KIF26B: variants seen among roughly 807,000 people sequenced by gnomAD.
KIF26B encodes the protein kinesin family member 26B.
A neutral mutation model predicts 151.2 loss-of-function variants in KIF26B; 63 were observed. The ratio of observed to expected loss-of-function variants is 0.42; its 90% CI spans 0.34 to 0.51. The LOEUF is 0.51. Among genes scored for constraint, KIF26B ranks in the 20% least tolerant of loss-of-function variants. The pLI is 0.07. For synonymous variants in KIF26B, 1,357 were observed against 1,262.1 expected, an observed-to-expected ratio of 1.08 and a Z score of -1.59; for missense variants, 2,813 against 2,913.6, an observed-to-expected ratio of 0.97 and a Z score of 0.79.
intron 10 of KIF26B, among the ~76,000 whole-genome samples, chr1:245,679,243 A>G (rs1377128055): frequency 2.6e-5 from 4 of 152,104 alleles, no homozygotes; most frequent in African/African-American, 9.7e-5. Flanking sequence ...TTATTTACAA[A>G]AGCAGGCAGT....
intron 2 of KIF26B, among the ~76,000 whole-genome samples, chr1:245,327,803 G>T (rs755500901): frequency 7.9e-5 from 12 of 152,134 alleles, no homozygotes; most frequent in Non-Finnish European, 1.8e-4. Flanking sequence ...ATTTTCTAAT[G>T]ACTTAAGACA....
chr1:245,661,349 A>G (rs1332394343), intron 10 of KIF26B, among the ~76,000 whole-genome samples: 1 of 151,526 alleles, frequency 6.6e-6, no homozygotes, highest in Non-Finnish European at 1.5e-5. Flanking sequence ...CGCCACAGTT[A>G]CTTGGAATTT....
At chr1:245,163,783 T>C (rs1048688792) in intron 2 of KIF26B, among the ~76,000 whole-genome samples, 3 of 152,222 alleles carry the variant, frequency 2.0e-5, no homozygotes, top group African/African-American at 4.8e-5. Context: ...GTCTTCACTT[T>C]CATTATCTCT....
In KIF26B at chr1:245,156,310, C is replaced by G; in HGVS notation, c.92C>G (p.Pro31Arg). 6.5e-7 allele frequency: 1 copy of G among 1,547,654 alleles called. No homozygotes were observed. Among genetic ancestry groups the G allele is most frequent in the South Asian group, 1.2e-5 (1 of 84,030 alleles). The stretch of plus-strand genomic sequence containing the variant: ...AATGAAGTCTGCTCGCCCACCAAGC[C>G]CGCAGCGCCCTTCTCCCCGGAAAGC... ...GVNEVCSPTKPAAPFSPESWY... is the reference protein window; with the variant it reads ...GVNEVCSPTKRAAPFSPESWY... Residue 31 changes from proline to arginine, a missense_variant, in exon 2 of 15, where the codon CCC (proline) becomes CGC (arginine). This residue lies in a region of KIF26B where 676 missense variants were observed against 688.1 expected (regional missense o/e 0.98). Transcript: ENST00000407071.
intron 4 of KIF26B, among the ~76,000 whole-genome samples, chr1:245,521,277 C>T (rs1343514130): frequency 1.3e-5 from 2 of 151,300 alleles, no homozygotes; most frequent in African/African-American, 4.9e-5. Context: ...GCGGAGCTTG[C>T]AGTGAGCCGA....
intron 5 of KIF26B, among the ~76,000 whole-genome samples, chr1:245,558,312 T>G (rs542633791): frequency 4.0e-4 from 61 of 152,198 alleles, no homozygotes; most frequent in Non-Finnish European, 7.2e-4. Flanking sequence ...GGCCTCTAGT[T>G]CCTGCTTCTC....
intron 4 of KIF26B, among the ~76,000 whole-genome samples, chr1:245,527,270 T>C (rs1408862892): frequency 2.0e-5 from 3 of 152,194 alleles, no homozygotes; most frequent in Non-Finnish European, 4.4e-5. Flanking sequence ...AGAAAAGATA[T>C]ACGTACATAT....
chr1:245,179,012 G>A (rs1288673599), intron 2 of KIF26B, among the ~76,000 whole-genome samples: 1 of 151,380 alleles, frequency 6.6e-6, no homozygotes, highest in Non-Finnish European at 1.5e-5. Flanking sequence ...TGTACTTTAA[G>A]CTGTATACAA....
intron 2 of KIF26B, among the ~76,000 whole-genome samples, chr1:245,341,173 G>T (rs551179701): frequency 7.9e-5 from 12 of 152,030 alleles, no homozygotes; most frequent in Non-Finnish European, 1.8e-4. Context: ...GCTGGTCATC[G>T]CAGGGGAGCT....
chr1:245,688,151 C>T lies in KIF26B; in HGVS notation c.5168C>T (p.Ala1723Val), dbSNP rs778660763. 15 of 1,595,030 alleles carry T rather than the reference C, an allele frequency of 9.4e-6. No homozygotes were observed. Among genetic ancestry groups the T allele is most frequent in the Non-Finnish European group, 1.1e-5 (13 of 1,177,256 alleles). ...GGGACCTCGCCCCCCAGCTCCGGGG[C>T]CTCGCCCAAGGCCGGCCAGTCCAAG... is the stretch of plus-strand genomic sequence containing the variant. ...SAGTSPPSSG[A>V]SPKAGQSKIS... The change falls in exon 12 of 15, where the codon GCC becomes GTC. Residue 1723 changes from alanine to valine, a missense_variant. This residue lies in a region of KIF26B where 2,060 missense variants were observed against 2,088.6 expected (regional missense o/e 0.99). Transcript: ENST00000407071.
chr1:245,421,809 G>A (rs1205055432), intron 4 of KIF26B, among the ~76,000 whole-genome samples: 1 of 152,104 alleles, frequency 6.6e-6, no homozygotes, highest in Non-Finnish European at 1.5e-5. Flanking sequence ...CTGGGGAAAG[G>A]ATGTGGAAAT....
intron 4 of KIF26B, among the ~76,000 whole-genome samples, chr1:245,498,109 T>C (rs1660548559): frequency 6.6e-6 from 1 of 152,228 alleles, no homozygotes; most frequent in African/African-American, 2.4e-5. Context: ...TCCATCAAAT[T>C]GCCATCTTGT....
At chr1:245,381,789 C>G (rs1673415861) in intron 3 of KIF26B, among the ~76,000 whole-genome samples, 1 of 152,202 alleles carries the variant, frequency 6.6e-6, no homozygotes, top group African/African-American at 2.4e-5. Context: ...GTGAATCTGA[C>G]TGCTCTATGT....
chr1:245,482,467 T>C (rs34318293), intron 4 of KIF26B, among the ~76,000 whole-genome samples: 8,407 of 151,846 alleles, frequency 0.055, 408 homozygotes, highest in Non-Finnish European at 0.071. Context: ...TATTCAGAAA[T>C]GCATGTTGTT....
chr1:245,235,696 G>A (rs1450663622), intron 2 of KIF26B, among the ~76,000 whole-genome samples: 3 of 152,046 alleles, frequency 2.0e-5, no homozygotes, highest in South Asian at 2.1e-4. Context: ...AAGGGAATAA[G>A]GGTTCAGAAT....
chr1:245,300,829 G>A (rs984135171), intron 2 of KIF26B, among the ~76,000 whole-genome samples: 2 of 149,168 alleles, frequency 1.3e-5, no homozygotes, highest in Non-Finnish European at 3.0e-5. Context: ...AAGCCCGGCC[G>A]AATTTTTAAT....
chr1:245,428,376 G>A (rs1439662268), intron 4 of KIF26B, among the ~76,000 whole-genome samples: 1 of 152,090 alleles, frequency 6.6e-6, no homozygotes, highest in Non-Finnish European at 1.5e-5. Flanking sequence ...CGATTTCAAG[G>A]GCCCTAGAAA....
intron 4 of KIF26B, among the ~76,000 whole-genome samples, chr1:245,509,685 G>T (rs1238951150): frequency 6.6e-6 from 1 of 152,126 alleles, no homozygotes; most frequent in Admixed American, 6.6e-5. Context: ...GAATCTTTGG[G>T]GTAGGGTCCA....
chr1:245,619,657 A>G (rs1013654314), intron 9 of KIF26B, among the ~76,000 whole-genome samples: 1 of 150,732 alleles, frequency 6.6e-6, no homozygotes, highest in Admixed American at 6.7e-5. Context: ...CTCACACTGT[A>G]ATCCCAGCAC....
Sources: allele counts gnomAD v4.1 joint callset (sites outside exome capture counted in the v4.1 genomes callset), GRCh38; gene constraint gnomAD v4.1.1; regional missense constraint gnomAD v4.1.1; transcripts MANE v1.5; gene names NCBI Gene and HGNC (gene_info 2026-07-23, HGNC 2026-07-21).